Variants in BMP6 observed in about 807,000 individuals in gnomAD.
BMP6 encodes the protein bone morphogenetic protein 6.
A neutral mutation model predicts 54.1 loss-of-function variants in BMP6; 17 were observed. That is an observed-to-expected ratio of 0.31 (90% CI 0.22 to 0.47). The LOEUF (loss-of-function observed/expected upper bound fraction) is 0.47. Ranked by LOEUF, BMP6 falls within the 20% of genes least tolerant of loss-of-function variation. The pLI, the probability that BMP6 is intolerant of heterozygous loss-of-function variation, is 1.00. For synonymous variants in BMP6, 328 were observed against 291.2 expected (o/e 1.13, Z -1.28); for missense variants, 720 against 690.4 (o/e 1.04, Z -0.48).
chr6:7,780,981 G>T (rs1757934537), intron 1 of BMP6, among the ~76,000 whole-genome samples: 1 of 152,132 alleles, frequency 6.6e-6, no homozygotes, highest in Non-Finnish European at 1.5e-5. Context: ...AAAGTGCTGG[G>T]ATTACAGGCA....
chr6:7,856,831 C>T (rs1049400814), intron 2 of BMP6, among the ~76,000 whole-genome samples: 1 of 151,616 alleles, frequency 6.6e-6, no homozygotes, highest in African/African-American at 2.4e-5. Flanking sequence ...CTCCTGACCT[C>T]GTGATCCGCC....
In BMP6 at chr6:7,767,189, C is replaced by T. The variant is rs147362007; in HGVS notation, c.664+39570C>T. On this transcript the variant is annotated intron_variant, in intron 1 of 6. Transcript: ENST00000283147. Reference sequence around the variant, plus strand: ...TTTTAGGAGAGACGGGGTTTCACCGCGGTCTCGATCTCCTGACCTCGTGAT... The same window carrying T: ...TTTTAGGAGAGACGGGGTTTCACCGTGGTCTCGATCTCCTGACCTCGTGAT... Among the ~76,000 whole-genome samples, 558 of 151,904 alleles carry T rather than the reference C, an allele frequency of 3.7e-3. 5 individuals are homozygous for T. Among genetic ancestry groups the T allele is most frequent in the African/African-American group, 0.013 (536 of 41,466 alleles).
chr6:7,810,197 A>G (rs749790207), intron 1 of BMP6, among the ~76,000 whole-genome samples: 8 of 152,220 alleles, frequency 5.3e-5, no homozygotes, highest in East Asian at 1.9e-4. Flanking sequence ...CTCCAGGCCA[A>G]TTGTTCATCT....
chr6:7,872,165 T>C (rs926793325), intron 4 of BMP6, among the ~76,000 whole-genome samples: 1 of 152,198 alleles, frequency 6.6e-6, no homozygotes. Context: ...GGAGTGACCA[T>C]GTTCCTGTTG....
intron 4 of BMP6, among the ~76,000 whole-genome samples, chr6:7,873,929 A>G (rs1303002893): frequency 3.9e-5 from 6 of 151,992 alleles, no homozygotes; most frequent in Admixed American, 3.3e-4. Flanking sequence ...ACGAGACGGT[A>G]TTTTGGAGGA....
intron 1 of BMP6, among the ~76,000 whole-genome samples, chr6:7,799,741 A>AT (rs1470473742): frequency 1.6e-4 from 4 of 25,274 alleles, no homozygotes; most frequent in African/African-American, 2.0e-4. Context: ...CACTGATTAT[A>AT]AAAAAAAAAA....
At chr6:7,782,063 G>A (rs930058134) in intron 1 of BMP6, among the ~76,000 whole-genome samples, 2 of 151,318 alleles carry the variant, frequency 1.3e-5, no homozygotes, top group African/African-American at 4.8e-5. Context: ...GGCTTGAATG[G>A]CAGAGGAGGT....
intron 1 of BMP6, among the ~76,000 whole-genome samples, chr6:7,808,606 T>C (rs75183374): frequency 0.061 from 9,219 of 152,212 alleles, 926 homozygotes; most frequent in African/African-American, 0.2. Context: ...AACTTTTGTC[T>C]GATTTTATTT....
At chr6:7,839,652 A>C (rs969045892) in intron 1 of BMP6, among the ~76,000 whole-genome samples, 1 of 152,216 alleles carries the variant, frequency 6.6e-6, no homozygotes, top group Non-Finnish European at 1.5e-5. Context: ...TTCCGTTTTA[A>C]GGTTGAAGAG....
chr6:7,728,962 C>T (rs1179132008), intron 1 of BMP6, among the ~76,000 whole-genome samples: 2 of 152,116 alleles, frequency 1.3e-5, no homozygotes, highest in African/African-American at 4.8e-5. Context: ...GGGGTAAGAG[C>T]CAAGGGAGGG....
chr6:7,727,649 A>G (rs549824872), intron 1 of BMP6, 30 bp downstream of exon 1: 3 of 1,496,128 alleles, frequency 2.0e-6, no homozygotes, highest in African/African-American at 2.9e-5. Context: ...TAATGACGAG[A>G]ACATTTCCCC....
intron 1 of BMP6, among the ~76,000 whole-genome samples, chr6:7,747,333 C>T (rs968360525): frequency 2.0e-5 from 3 of 152,146 alleles, no homozygotes; most frequent in African/African-American, 4.8e-5. Context: ...CACATAGGCC[C>T]TTATAAACAC....
intron 1 of BMP6, among the ~76,000 whole-genome samples, chr6:7,759,558 T>TA (rs1757576267): frequency 6.6e-6 from 1 of 151,996 alleles, no homozygotes; most frequent in Non-Finnish European, 1.5e-5. Context: ...CTTATAACCC[T>TA]AAACTCTTGC....
chr6:7,764,171 A>G (rs1280715381), intron 1 of BMP6, among the ~76,000 whole-genome samples: 1 of 152,182 alleles, frequency 6.6e-6, no homozygotes, highest in Admixed American at 6.5e-5. Flanking sequence ...TTTTCAGCTG[A>G]GGCTGTTGGA....
At chr6:7,760,960 C>A in intron 1 of BMP6, among the ~76,000 whole-genome samples, 1 of 152,214 alleles carries the variant, frequency 6.6e-6, no homozygotes, top group East Asian at 1.9e-4. Flanking sequence ...TAAGCCATTA[C>A]GGACATTGTT....
intron 1 of BMP6, among the ~76,000 whole-genome samples, chr6:7,834,998 G>A (rs1250813408): frequency 4.6e-5 from 7 of 152,164 alleles, no homozygotes; most frequent in Admixed American, 4.6e-4. Context: ...CATCTGAGCC[G>A]GGCAGAATGA....
At chr6:7,752,197 T>C (rs2113130379) in intron 1 of BMP6, among the ~76,000 whole-genome samples, 1 of 152,358 alleles carries the variant, frequency 6.6e-6, no homozygotes, top group South Asian at 2.1e-4. Flanking sequence ...TACTCAACTC[T>C]GTCATGGCAG....
intron 1 of BMP6, among the ~76,000 whole-genome samples, chr6:7,743,177 T>G (rs968279901): frequency 1.3e-5 from 2 of 152,210 alleles, no homozygotes; most frequent in Admixed American, 6.5e-5. Context: ...CCAAAATATA[T>G]GTAGATATAG....
At chr6:7,877,222 G>A (rs1759635118) in intron 4 of BMP6, among the ~76,000 whole-genome samples, 1 of 152,146 alleles carries the variant, frequency 6.6e-6, no homozygotes, top group Non-Finnish European at 1.5e-5. Flanking sequence ...ATAGGCAGGT[G>A]GAGAGGATAA....
Sources: allele counts gnomAD v4.1 joint callset (sites outside exome capture counted in the v4.1 genomes callset), GRCh38; gene constraint gnomAD v4.1.1; transcripts MANE v1.5; gene names NCBI Gene and HGNC (gene_info 2026-07-23, HGNC 2026-07-21).